IQSEC3: variants seen among roughly 807,000 people sequenced by gnomAD.
The protein encoded by IQSEC3 is IQ motif and SEC7 domain-containing protein 3.
Under a neutral mutation model 105.4 loss-of-function variants are expected in IQSEC3, and 50 were observed. That is an observed-to-expected ratio of 0.47 (90% CI 0.38 to 0.60). The LOEUF (loss-of-function observed/expected upper bound fraction) is 0.60. Ranked by LOEUF, IQSEC3 falls within the 20% of genes least tolerant of loss-of-function variation. The probability of loss-of-function intolerance (pLI) is 0.00; values close to 1 mark genes in which losing one functional copy is unlikely to be tolerated. For synonymous variants in IQSEC3, 708 were observed against 746.0 expected, an observed-to-expected ratio of 0.95 and a Z score of 0.83; for missense variants, 1,415 against 1,630.0, an observed-to-expected ratio of 0.87 and a Z score of 2.27.
chr12:140,486 T>C (rs929508553), intron 4 of IQSEC3: 7 of 152,116 alleles, frequency 4.6e-5, no homozygotes, highest in Admixed American at 3.9e-4. Flanking sequence ...TCTTAAACTA[T>C]CCATAGTGAA....
rs567812286 is a variant in IQSEC3, at chr12:86,971, G to T, written c.555-12175G>T. Among the ~76,000 whole-genome samples the T allele has an allele frequency of 8.5e-5, 13 of 152,104 alleles. No individual in the cohort carries two copies. In the South Asian group the frequency reaches 1.7e-3, roughly 19 times the overall value. On this transcript the variant is annotated intron_variant, in intron 1 of 13. Transcript: ENST00000538872. ...CTGTGGTTCTAGAAAGGGCCTCCAT[G>T]AAATTCCTTCCCCAAAGTGTTCTGT...
intron 1 of IQSEC3, among the ~76,000 whole-genome samples, chr12:74,060 T>C (rs1470911122): frequency 6.6e-6 from 1 of 152,226 alleles, no homozygotes; most frequent in Non-Finnish European, 1.5e-5. Context: ...ATCACCCCTA[T>C]TTCCTAATTA....
chr12:68,420 G>C (rs550714243), intron 1 of IQSEC3, among the ~76,000 whole-genome samples: 54 of 152,264 alleles, frequency 3.5e-4, no homozygotes, highest in African/African-American at 1.2e-3. Flanking sequence ...TGGGTCCTGA[G>C]AGAAATGTTA....
At chr12:124,912 G>A (rs1865335013) in intron 2 of IQSEC3, among the ~76,000 whole-genome samples, 2 of 152,200 alleles carry the variant, frequency 1.3e-5, no homozygotes, top group Non-Finnish European at 2.9e-5. Context: ...GGCTCCCGGG[G>A]AACAGAGGAT....
chr12:106,833 A>G (rs1296791055), intron 2 of IQSEC3: 1 of 152,106 alleles, frequency 6.6e-6, no homozygotes, highest in Non-Finnish European at 1.5e-5. Flanking sequence ...TTACCCATTC[A>G]CTTATCTTCT....
intron 3 of IQSEC3, among the ~76,000 whole-genome samples, chr12:136,922 A>C (rs577763399): frequency 2.0e-5 from 3 of 152,282 alleles, no homozygotes; most frequent in African/African-American, 7.2e-5. Context: ...AGAGCGTAGC[A>C]ACCTGAGAGG....
At chr12:162,132 T>G (rs2137049135) in intron 8 of IQSEC3, 67 bp downstream of exon 8, 1 of 1,562,684 alleles carries the variant, frequency 6.4e-7, no homozygotes, top group Non-Finnish European at 8.8e-7. Context: ...TCTCTTCCCA[T>G]TCTCCTTCTT....
intron 2 of IQSEC3, among the ~76,000 whole-genome samples, chr12:105,305 G>A (rs1312101026): frequency 6.6e-6 from 1 of 152,262 alleles, no homozygotes; most frequent in Non-Finnish European, 1.5e-5. Flanking sequence ...CTGCAGTGGC[G>A]GGAGCATCTT....
chr12:169,663 T>G (rs1182967366), intron 12 of IQSEC3, among the ~76,000 whole-genome samples: 6 of 152,050 alleles, frequency 3.9e-5, no homozygotes, highest in Non-Finnish European at 8.8e-5. Context: ...AATTGCTCAC[T>G]CCAGCCGAGT....
intron 5 of IQSEC3, among the ~76,000 whole-genome samples, chr12:154,499 G>A (rs1253126550): frequency 1.3e-5 from 2 of 152,148 alleles, no homozygotes; most frequent in Admixed American, 1.3e-4. Context: ...GGGGTGGGGT[G>A]CACGACAGAT....
Position 136,845 on chromosome 12 carries a change from C to T in IQSEC3, c.904-1422C>T, listed in dbSNP as rs554913281. On this transcript the variant is annotated intron_variant, in intron 3 of 13. Coordinates refer to ENST00000538872, the MANE Select transcript of IQSEC3 (RefSeq NM_001170738.2). ...TTGTCCCTTATTTAAAGGCAGAAGCCTCTGGGGGCATGGCTGTCATACCTC... is the reference window on the plus strand; with the variant it reads ...TTGTCCCTTATTTAAAGGCAGAAGCTTCTGGGGGCATGGCTGTCATACCTC... Among the ~76,000 whole-genome samples, 128 of 152,232 alleles carry T rather than the reference C, an allele frequency of 8.4e-4. 3 individuals carry two copies. The highest frequency in any genetic ancestry group is 7.7e-4 in the East Asian group (4 of 5,186).
chr12:125,965 G>A, intron 3 of IQSEC3, 53 bp downstream of exon 3: 2 of 1,494,868 alleles, frequency 1.3e-6, no homozygotes, highest in Non-Finnish European at 1.8e-6. Context: ...GCCCTGCTTT[G>A]GGGGCTGTCG....
In IQSEC3 at chr12:99,183, G is replaced by A. The variant is rs782035854; in HGVS notation, c.592G>A (p.Ala198Thr). Residue 198 changes from alanine to threonine, a missense_variant, in exon 2 of 14, where the codon GCC becomes ACC. Coordinates refer to ENST00000538872, the MANE Select transcript of IQSEC3 (RefSeq NM_001170738.2). ...TVLHQFCCPA[A>T]DACSDLASQS... The stretch of plus-strand genomic sequence containing the variant: ...GCTGCACCAGTTCTGCTGCCCAGCC[G>A]CCGACGCCTGCTCCGACCTGGCCTC... 1.7e-5 allele frequency: 27 copies of A among 1,598,700 alleles called. No individual in the cohort carries two copies. The highest frequency in any genetic ancestry group is 4.4e-5 in the South Asian group (4 of 90,964).
At chr12:174,555 T>TA (rs1419028567) in intron 13 of IQSEC3, 44 bp from the exon 14 acceptor site, 6 of 1,483,894 alleles carry the variant, frequency 4.0e-6, no homozygotes, top group Non-Finnish European at 5.4e-6. Context: ...AGCTGGGAAT[T>TA]AGTCTTGTAA....
At chr12:120,563 A>G (rs1399865626) in intron 2 of IQSEC3, among the ~76,000 whole-genome samples, 12 of 152,228 alleles carry the variant, frequency 7.9e-5, no homozygotes, top group Admixed American at 5.9e-4. Flanking sequence ...TGCCAGGACC[A>G]GGCATGCTCA....
Position 125,651 on chromosome 12 carries a change from G to T in IQSEC3, c.642G>T (p.Gln214His). The change falls in exon 3 of 14, where the codon CAG (glutamine) becomes CAT (histidine). Residue 214 changes from glutamine to histidine, a missense_variant. This residue lies in a region of IQSEC3 where 720 missense variants were observed against 633.0 expected (regional missense o/e 1.14). Coordinates refer to ENST00000538872, the MANE Select transcript of IQSEC3 (RefSeq NM_001170738.2). Reference protein sequence around the residue: ...LASQSDGSCTQAGGGMEDSVV... With the variant: ...LASQSDGSCTHAGGGMEDSVV... ...TTCACAGTGATGGCTCCTGCACCCA[G>T]GCCGGTGGGGGCATGGAGGACTCCG... The T allele has an allele frequency of 6.6e-7, 1 of 1,523,570 alleles. No homozygotes were observed. Among genetic ancestry groups the T allele is most frequent in the Non-Finnish European group, 8.7e-7 (1 of 1,147,432 alleles). 94.4% of individuals were successfully genotyped at this position (1,523,570 alleles called of 1,614,324 possible).
intron 12 of IQSEC3, among the ~76,000 whole-genome samples, chr12:169,893 A>T (rs1444882538): frequency 6.6e-6 from 1 of 152,152 alleles, no homozygotes; most frequent in Non-Finnish European, 1.5e-5. Context: ...ACACTCAACA[A>T]ACACTTCTCG....
In IQSEC3 at chr12:176,717, G is replaced by A. The variant is rs1020577711; in HGVS notation, c.*1684G>A. 1 of 152,304 alleles carries A rather than the reference G, an allele frequency of 6.6e-6. No individual in the cohort carries two copies. The allele number at this position is 152,304 out of a possible 1,614,324, so 9.4% of individuals were successfully genotyped here. A position where few individuals can be genotyped will look rare whatever the true frequency, so the allele number is the denominator to read the frequency against. ...TTCGTCGGCCCAGTTTCTGTAACTT[G>A]CAGCCAATTTGCCCTCTCCCCTGTG... On this transcript the variant is annotated 3_prime_UTR_variant, in exon 14 of 14. Transcript: ENST00000538872. The surrounding 1 kb of genome is among the most constrained non-coding windows in gnomAD (Gnocchi z 4.0).
intron 2 of IQSEC3, among the ~76,000 whole-genome samples, chr12:125,090 G>T (rs1235031378): frequency 6.6e-6 from 1 of 152,146 alleles, no homozygotes; most frequent in Non-Finnish European, 1.5e-5. Context: ...AGATGAGCTG[G>T]CTTAGTGTAG....
Sources: allele counts gnomAD v4.1 joint callset (sites outside exome capture counted in the v4.1 genomes callset), GRCh38; gene constraint gnomAD v4.1.1; regional missense constraint gnomAD v4.1.1; non-coding constraint Gnocchi (gnomAD v3.1); transcripts MANE v1.5; gene names NCBI Gene and HGNC (gene_info 2026-07-23, HGNC 2026-07-21).